The following TENM1 variants were observed in gnomAD, a reference collection of about 807,000 sequenced individuals.
The protein encoded by TENM1 is teneurin-1.
Under a neutral mutation model 174.8 loss-of-function variants are expected in TENM1, and 35 were observed. That is an observed-to-expected ratio of 0.20 (90% CI 0.15 to 0.27). The LOEUF (loss-of-function observed/expected upper bound fraction) is 0.27, where lower values mean the gene tolerates loss of function less well. Ranked by LOEUF, TENM1 falls within the 10% of genes least tolerant of loss-of-function variation. The pLI is 1.00. For missense variants in TENM1, 1,633 were observed against 2,130.1 expected (o/e 0.77, Z 4.59); for synonymous variants, 781 against 798.7 (o/e 0.98, Z 0.37).
chrX:124,795,399 T>G (rs1195818511), intron 3 of TENM1, among the ~76,000 whole-genome samples: 1 of 112,452 alleles, frequency 8.9e-6, no homozygotes, highest in Non-Finnish European at 1.9e-5. Flanking sequence ...TTATAATTCC[T>G]GCATAATTGC....
At chrX:124,970,820 T>C in the TENM1 span, among the ~76,000 whole-genome samples, 442 of 110,989 alleles carry the variant, frequency 4.0e-3, 1 homozygote, top group African/African-American at 0.014. Flanking sequence ...CATGCTGCTA[T>C]AAAGACACAT....
chrX:124,583,176 G>C (rs937082347), intron 11 of TENM1, among the ~76,000 whole-genome samples: 2 of 111,454 alleles, frequency 1.8e-5, no homozygotes, highest in African/African-American at 6.6e-5. Context: ...GCTTTGAAGA[G>C]ACCAGTGGTT....
the TENM1 span, among the ~76,000 whole-genome samples, chrX:125,198,911 T>C: frequency 1.8e-5 from 2 of 110,489 alleles, no homozygotes; most frequent in African/African-American, 6.6e-5. Context: ...TAGAATTGAA[T>C]TTAAAGTTTT....
At chrX:124,597,126 G>A (rs2049913174) in intron 11 of TENM1, among the ~76,000 whole-genome samples, 1 of 109,687 alleles carries the variant, frequency 9.1e-6, no homozygotes, top group African/African-American at 3.3e-5. Context: ...ATTCCTTAAA[G>A]AACTAAAAGT....
chrX:124,952,249 C>T (rs1297713921), intron 1 of TENM1, among the ~76,000 whole-genome samples: 1 of 110,137 alleles, frequency 9.1e-6, no homozygotes. Flanking sequence ...ACTAGTACAT[C>T]TTGCTTAAGA....
At chrX:124,860,548 T>G (rs1357272993) in intron 3 of TENM1, among the ~76,000 whole-genome samples, 1 of 111,584 alleles carries the variant, frequency 9.0e-6, no homozygotes, top group Admixed American at 9.5e-5. Flanking sequence ...CGCTAAGGAC[T>G]AAAAGGATAA....
chrX:124,388,412 G>A (rs1212438315), intron 28 of TENM1, among the ~76,000 whole-genome samples: 1 of 112,418 alleles, frequency 8.9e-6, no homozygotes, highest in Non-Finnish European at 1.9e-5. Context: ...TGGCAAGAAT[G>A]TGGATGATGT....
chrX:125,111,546 G>A, the TENM1 span, among the ~76,000 whole-genome samples: 1 of 112,038 alleles, frequency 8.9e-6, no homozygotes, highest in Admixed American at 9.5e-5. Context: ...ACTTCACTAT[G>A]GGCTAAGCAC....
chrX:124,878,086 G>GTA (rs941541469), intron 3 of TENM1, among the ~76,000 whole-genome samples: 1 of 111,462 alleles, frequency 9.0e-6, no homozygotes, highest in Admixed American at 9.5e-5. Flanking sequence ...GAAAATGTAT[G>GTA]TATAAGTGGA....
At chrX:124,947,040 G>C (rs2058413597) in intron 1 of TENM1, among the ~76,000 whole-genome samples, 1 of 111,388 alleles carries the variant, frequency 9.0e-6, no homozygotes, top group African/African-American at 3.3e-5. Context: ...TTTTGGCTCA[G>C]TTAATTCAGC....
chrX:124,807,864 T>C (rs1040490735), intron 3 of TENM1, among the ~76,000 whole-genome samples: 1 of 88,435 alleles, frequency 1.1e-5, no homozygotes, highest in Admixed American at 1.4e-4. Context: ...AATATATCAC[T>C]AGAGAAAATC....
intron 3 of TENM1, among the ~76,000 whole-genome samples, chrX:124,737,582 G>C (rs759971812): frequency 8.9e-6 from 1 of 112,009 alleles, no homozygotes; most frequent in Admixed American, 9.4e-5. Flanking sequence ...GAAAATGCTA[G>C]TAAAAGGCAC....
the TENM1 span, among the ~76,000 whole-genome samples, chrX:125,105,830 C>T: frequency 8.1e-5 from 9 of 111,760 alleles, no homozygotes; most frequent in Non-Finnish European, 1.5e-4. Context: ...ATCTCAGAAG[C>T]CAGAGTGATA....
At chrX:124,993,059 ACT>A in the TENM1 span, among the ~76,000 whole-genome samples, 1 of 110,277 alleles carries the variant, frequency 9.1e-6, no homozygotes, top group African/African-American at 3.3e-5. Context: ...GACTTGACAA[ACT>A]CTCTGCTTCT....
chrX:125,091,232 AG>A, the TENM1 span, among the ~76,000 whole-genome samples: 1 of 111,469 alleles, frequency 9.0e-6, no homozygotes, highest in Non-Finnish European at 1.9e-5. Context: ...GAAAAAAAAA[AG>A]CTTGATAACA....
At chrX:124,487,834 G>T (rs762933915) in intron 20 of TENM1, among the ~76,000 whole-genome samples, 82 of 111,863 alleles carry the variant, frequency 7.3e-4, no homozygotes, top group African/African-American at 2.5e-3. Flanking sequence ...TGATCTCAGA[G>T]ATAAGATAGG....
At chrX:124,740,497 A>G (rs1485478416) in intron 3 of TENM1, among the ~76,000 whole-genome samples, 1 of 111,781 alleles carries the variant, frequency 8.9e-6, no homozygotes, top group Middle Eastern at 4.2e-3. Flanking sequence ...CGTATAATGC[A>G]TATCCATATA....
chrX:124,394,288 TTAAC>T (rs759690739), intron 27 of TENM1, among the ~76,000 whole-genome samples: 50 of 112,580 alleles, frequency 4.4e-4, no homozygotes, highest in Non-Finnish European at 7.5e-4. Context: ...AAGGATCTGT[TTAAC>T]TATCTGAAAG....
chrX:124,957,571 T>A (rs1603292486), intron 1 of TENM1, among the ~76,000 whole-genome samples: 2 of 40,384 alleles, frequency 5.0e-5, no homozygotes, highest in African/African-American at 1.2e-4. Context: ...GCGACAAAAC[T>A]CCAACTCAAA....
Sources: allele counts gnomAD v4.1 joint callset (sites outside exome capture counted in the v4.1 genomes callset), GRCh38; gene constraint gnomAD v4.1.1; transcripts MANE v1.5; gene names NCBI Gene and HGNC (gene_info 2026-07-23, HGNC 2026-07-21).